CEP41: variants seen among roughly 807,000 people sequenced by gnomAD.
The protein encoded by CEP41 is centrosomal protein 41, also known as centrosomal protein of 41 kDa.
Under a neutral mutation model 44.3 loss-of-function variants are expected in CEP41, and 32 were observed. The ratio of observed to expected loss-of-function variants is 0.72; its 90% CI spans 0.54 to 0.97. The LOEUF is 0.97. CEP41 is among the 50% of genes least tolerant of loss of function. The pLI is 0.00. For synonymous variants in CEP41, 151 were observed against 168.5 expected (o/e 0.90, Z 0.80); for missense variants, 432 against 455.2 (o/e 0.95, Z 0.46).
rs1796608440 is a variant in CEP41 at position 130,394,615 on chromosome 7, G to C, written c.*4276C>G. On this transcript the variant is annotated 3_prime_UTR_variant, in exon 11 of 11. Coordinates refer to ENST00000223208, the MANE Select transcript of CEP41 (RefSeq NM_018718.3). The stretch of plus-strand genomic sequence containing the variant: ...GGAGATCTAAAAACCTCAGGGTTTT[G>C]AATGCCTCGCCCACAAAGGCAGGAT... The C allele has an allele frequency of 2.2e-6, 1 of 453,636 alleles. No individual in the cohort carries two copies. The highest frequency in any genetic ancestry group is 2.4e-5 in the Admixed American group (1 of 42,540). The allele number at this position is 453,636 out of a possible 1,614,324, so 28.1% of individuals were successfully genotyped here.
chr7:130,397,396 A>G lies in CEP41; in HGVS notation c.*1495T>C, dbSNP rs572739026. ...GTAGAGAAGAATAAACACACTCTAAAACAGAACTGGGCTGAATCTGAAAGT... is the reference window on the plus strand; with the variant it reads ...GTAGAGAAGAATAAACACACTCTAAGACAGAACTGGGCTGAATCTGAAAGT... On this transcript the variant is annotated 3_prime_UTR_variant, in exon 11 of 11. Transcript: ENST00000223208. 3 of 453,106 alleles carry G rather than the reference A, an allele frequency of 6.6e-6. No homozygotes were observed. The East Asian group carries it at 2.1e-4, about 31-fold the overall frequency. The allele number at this position is 453,106 out of a possible 1,614,324, so 28.1% of individuals were successfully genotyped here. A position where few individuals can be genotyped will look rare whatever the true frequency, so the allele number is the denominator to read the frequency against.
chr7:130,401,116 C>T (rs1294562901), intron 8 of CEP41: 31 of 376,180 alleles, frequency 8.2e-5, no homozygotes, highest in Non-Finnish European at 1.5e-4. Flanking sequence ...GTAAATATTA[C>T]AATCCCCATT....
chr7:130,431,346 T>C (rs1797816568), intron 1 of CEP41, among the ~76,000 whole-genome samples: 2 of 152,204 alleles, frequency 1.3e-5, no homozygotes, highest in African/African-American at 2.4e-5. Flanking sequence ...CAAAGACTTA[T>C]TGAGCACCAA....
At chr7:130,429,272 C>T (rs1175539930) in intron 1 of CEP41, among the ~76,000 whole-genome samples, 1 of 152,188 alleles carries the variant, frequency 6.6e-6, no homozygotes, top group African/African-American at 2.4e-5. Context: ...GGCATCTGCT[C>T]TCGTGGCAGC....
In CEP41 at chr7:130,399,036, C is replaced by G. The variant is rs782387467; in HGVS notation, c.977G>C (p.Arg326Pro). Residue 326 changes from arginine (R) to proline (P), a missense_variant, in exon 11 of 11, where the codon CGA becomes CCA. Transcript: ENST00000223208. The part of the protein sequence containing the change: ...EEQGPADHPS[R>P]LNQANSSGRE... ...TCCGGAGGAGTTAGCTTGGTTCAGT[C>G]GGCCTGAAGGGAGCAAGAAAGAAGG... The G allele has an allele frequency of 6.2e-7, 1 of 1,613,954 alleles. No individual in the cohort carries two copies. Among genetic ancestry groups the G allele is most frequent in the African/African-American group, 1.3e-5 (1 of 75,060 alleles).
rs1197018524 is a variant in CEP41 at position 130,437,772 on chromosome 7, AAAAAAAAAAAAAAAAAGAAAAAG to A, written c.33+3139_33+3161del. Among the ~76,000 whole-genome samples the A allele has an allele frequency of 4.6e-4, 55 of 119,370 alleles. 1 individual carries two copies. Among genetic ancestry groups the A allele is most frequent in the Admixed American group, 9.1e-4 (11 of 12,030 alleles). 78.3% of individuals were successfully genotyped at this position (119,370 alleles called of 152,430 possible). A position where few individuals can be genotyped will look rare whatever the true frequency, so the allele number is the denominator to read the frequency against. On this transcript the variant is annotated intron_variant, in intron 1 of 10. Transcript: ENST00000223208. ...ACAAAGCAAGACTGTCTCAAAAAAAAAAAAAAAAAAAAAAAAGAAAAAGAAAAAAAAAGATGTTGATGATTTTC... is the reference window on the plus strand; with the variant it reads ...ACAAAGCAAGACTGTCTCAAAAAAAAAAAAAAAAAGATGTTGATGATTTTC...
intron 1 of CEP41, chr7:130,440,708 C>T (rs1798123940): frequency 1.6e-6 from 1 of 614,752 alleles, no homozygotes; most frequent in South Asian, 1.9e-5. Flanking sequence ...GTCACAAGTA[C>T]TGGCGTGCGT....
In CEP41 at chr7:130,398,629, CA is replaced by C. The variant is rs1766507117; in HGVS notation, c.*261del. 3.1e-6 allele frequency: 2 copies of C among 654,456 alleles called. No homozygotes were observed. The highest frequency in any genetic ancestry group is 5.6e-6 in the Non-Finnish European group (2 of 355,350). The allele number at this position is 654,456 out of a possible 1,614,324, so 40.5% of individuals were successfully genotyped here. A position where few individuals can be genotyped will look rare whatever the true frequency, so the allele number is the denominator to read the frequency against. ...GATACTTTTTTCCTATACAGTTTCACAAGACTTAAATATGCTGTAAACAACA... is the reference window on the plus strand; with the variant it reads ...GATACTTTTTTCCTATACAGTTTCACAGACTTAAATATGCTGTAAACAACA... On this transcript the variant is annotated 3_prime_UTR_variant, in exon 11 of 11. Transcript: ENST00000223208.
chr7:130,398,593 C>CT lies in CEP41; in HGVS notation c.*297dup. On this transcript the variant is annotated 3_prime_UTR_variant, in exon 11 of 11. Coordinates refer to ENST00000223208, the MANE Select transcript of CEP41 (RefSeq NM_018718.3). The stretch of plus-strand genomic sequence containing the variant: ...ATTAAAAAAAAACAAAACAAAAAAA[C>CT]TAAAAACGTAGATACTTTTTTCCTA... 1 of 553,164 alleles carries CT rather than the reference C, an allele frequency of 1.8e-6. No homozygotes were observed. The highest frequency in any genetic ancestry group is 3.4e-6 in the Non-Finnish European group (1 of 291,896). 34.3% of individuals were successfully genotyped at this position (553,164 alleles called of 1,614,324 possible). A position where few individuals can be genotyped will look rare whatever the true frequency, so the allele number is the denominator to read the frequency against.
chr7:130,422,267 C>T (rs1218732163), intron 2 of CEP41, among the ~76,000 whole-genome samples: 1 of 152,162 alleles, frequency 6.6e-6, no homozygotes, highest in Non-Finnish European at 1.5e-5. Context: ...ATGAAAGACC[C>T]ATCTATTTAG....
intron 6 of CEP41, among the ~76,000 whole-genome samples, chr7:130,403,965 T>C (rs1191343830): frequency 6.6e-6 from 1 of 152,244 alleles, no homozygotes; most frequent in African/African-American, 2.4e-5. Context: ...GGACATCTGC[T>C]GAAAATCAGT....
chr7:130,416,861 C>G lies in CEP41; in HGVS notation c.145+58G>C, dbSNP rs141028374. 1.4e-4 allele frequency: 180 copies of G among 1,309,704 alleles called. No homozygotes were observed. The African/African-American group carries it at 2.4e-3, about 18-fold the overall frequency. The allele number at this position is 1,309,704 out of a possible 1,614,324, so 81.1% of individuals were successfully genotyped here. ...TGGAACACAATTGTTAGTTAAGAAC[C>G]AATTTATAGAACAACTATAGACTTC... is the stretch of plus-strand genomic sequence containing the variant. On this transcript the variant is annotated intron_variant, in intron 3 of 10. Transcript: ENST00000223208.
chr7:130,440,083 G>A (rs1331389152), intron 1 of CEP41, among the ~76,000 whole-genome samples: 3 of 151,228 alleles, frequency 2.0e-5, no homozygotes, highest in African/African-American at 7.3e-5. Flanking sequence ...GCAATGGCAC[G>A]ATCTCGGCTC....
At chr7:130,441,137 C>G (rs565644583), upstream of CEP41, 1 of 749,334 alleles carries the variant, frequency 1.3e-6, no homozygotes, top group African/African-American at 1.7e-5. Flanking sequence ...CTCAGGGTCG[C>G]AGAAGGGCAA....
intron 3 of CEP41, among the ~76,000 whole-genome samples, chr7:130,412,442 G>A (rs1330398410): frequency 6.6e-6 from 1 of 152,150 alleles, no homozygotes; most frequent in Non-Finnish European, 1.5e-5. Context: ...TTTGTCATTA[G>A]GAAGCTTAAA....
chr7:130,441,081 C>T (rs1554427658), upstream of CEP41: 1 of 1,215,196 alleles, frequency 8.2e-7, no homozygotes, highest in Admixed American at 1.8e-5. Flanking sequence ...CTCCGATTGG[C>T]CCGTCTTCCC....
At chr7:130,437,764 C>CA (rs1171735164) in intron 1 of CEP41, among the ~76,000 whole-genome samples, 672 of 32,206 alleles carry the variant, frequency 0.021, 27 homozygotes, top group African/African-American at 0.044. Flanking sequence ...AAGACTGTCT[C>CA]AAAAAAAAAA....
chr7:130,431,005 T>C (rs1797806939), intron 1 of CEP41, among the ~76,000 whole-genome samples: 1 of 152,102 alleles, frequency 6.6e-6, no homozygotes. Flanking sequence ...GCCCCCGGTT[T>C]TTCCTTACAT....
chr7:130,402,670 G>A lies in CEP41; in HGVS notation c.552C>T (p.Tyr184=), dbSNP rs1796887390. The change falls in exon 7 of 11, where the codon TAC becomes TAT. Residue 184 remains tyrosine (Y), a synonymous_variant. Transcript: ENST00000223208. ...TACCTCCAACAATGTGGCACTGCTG[G>A]TAAGAATCTCTATCACGCACATCTA... ...LLLDVRDRDS[Y]QQCHIVGAYS... The A allele has an allele frequency of 3.1e-6, 5 of 1,613,998 alleles. No homozygotes were observed. The highest frequency in any genetic ancestry group is 1.3e-5 in the African/African-American group (1 of 74,912).
Sources: allele counts gnomAD v4.1 joint callset (sites outside exome capture counted in the v4.1 genomes callset), GRCh38; gene constraint gnomAD v4.1.1; transcripts MANE v1.5; gene names NCBI Gene and HGNC (gene_info 2026-07-23, HGNC 2026-07-21).